Variants in PACSIN2 observed in about 807,000 individuals in gnomAD.
PACSIN2 encodes protein kinase C and casein kinase substrate in neurons 2.
Under a neutral mutation model 63.8 loss-of-function variants are expected in PACSIN2, and 25 were observed. The ratio of observed to expected loss-of-function variants is 0.39; its 90% CI spans 0.29 to 0.55. The LOEUF is 0.55. PACSIN2 is among the 20% of genes least tolerant of loss of function. PACSIN2 has a pLI of 0.62. For synonymous variants in PACSIN2, 255 were observed against 256.2 expected, an observed-to-expected ratio of 1.00 and a Z score of 0.05; for missense variants, 518 against 646.9, an observed-to-expected ratio of 0.80 and a Z score of 2.16.
At chr22:42,977,996 A>C (rs367657177) in intron 1 of PACSIN2, among the ~76,000 whole-genome samples, 7 of 152,350 alleles carry the variant, frequency 4.6e-5, no homozygotes, top group Middle Eastern at 6.8e-3. Context: ...TGCTAGTACA[A>C]GTCTGAAAAA....
chr22:42,952,635 A>G (rs1189522023), intron 1 of PACSIN2, among the ~76,000 whole-genome samples: 1 of 147,532 alleles, frequency 6.8e-6, no homozygotes, highest in African/African-American at 2.5e-5. Flanking sequence ...GGGATTATAG[A>G]CGTTGAGCCA....
intron 1 of PACSIN2, among the ~76,000 whole-genome samples, chr22:42,971,600 G>C (rs530189109): frequency 3.3e-5 from 5 of 151,920 alleles, no homozygotes; most frequent in Admixed American, 3.3e-4. Context: ...GGGAAGTGAG[G>C]AGTGTCTCTG....
chr22:42,911,966 G>C (rs1307771097), intron 2 of PACSIN2, 55 bp downstream of exon 2: 10 of 1,352,350 alleles, frequency 7.4e-6, no homozygotes, highest in Non-Finnish European at 1.0e-5. Flanking sequence ...CAAAGGGCCT[G>C]CCAGACACTA....
In PACSIN2 at chr22:42,870,112, G is replaced by A. The variant is rs950204782; in HGVS notation, c.*1245C>T. ...GCTCCCGGGCGACTCCGGGCAGCCC[G>A]AGACACTCGTGCTGCGGGTAAGACC... is the stretch of plus-strand genomic sequence containing the variant. On this transcript the variant is annotated 3_prime_UTR_variant, in exon 11 of 11. Coordinates refer to ENST00000263246, the MANE Select transcript of PACSIN2 (RefSeq NM_001184970.3). The A allele has an allele frequency of 2.0e-5, 3 of 151,638 alleles. No homozygotes were observed. Among genetic ancestry groups the A allele is most frequent in the Non-Finnish European group, 2.9e-5 (2 of 67,952 alleles). 9.4% of individuals were successfully genotyped at this position (151,638 alleles called of 1,614,324 possible).
chr22:42,908,582 G>T (rs1931240672), intron 2 of PACSIN2, among the ~76,000 whole-genome samples: 1 of 152,242 alleles, frequency 6.6e-6, no homozygotes, highest in Admixed American at 6.5e-5. Flanking sequence ...GCCCTGCCGT[G>T]AAGCCTGTGG....
intron 8 of PACSIN2, among the ~76,000 whole-genome samples, chr22:42,878,324 G>T (rs1269158606): frequency 1.3e-5 from 2 of 152,150 alleles, no homozygotes; most frequent in Non-Finnish European, 2.9e-5. Context: ...GGGGAGCCTG[G>T]GTGGGGGCTT....
At chr22:42,965,946 CAT>C (rs61037058) in intron 1 of PACSIN2, among the ~76,000 whole-genome samples, 5,216 of 34,902 alleles carry the variant, frequency 0.15, 292 homozygotes, top group African/African-American at 0.36. Flanking sequence ...AATAAATAAT[CAT>C]AAATAAATTA....
intron 1 of PACSIN2, among the ~76,000 whole-genome samples, chr22:43,006,022 G>A (rs1924069418): frequency 6.6e-6 from 1 of 151,948 alleles, no homozygotes; most frequent in Admixed American, 6.6e-5. Flanking sequence ...TGAACTCCTG[G>A]CATCAAGTGA....
Position 42,888,799 on chromosome 22 carries a change from C to G in PACSIN2, c.454-1G>C. 1 of 1,614,076 alleles carries G rather than the reference C, an allele frequency of 6.2e-7. No homozygotes were observed. Among genetic ancestry groups the G allele is most frequent in the Non-Finnish European group, 8.5e-7 (1 of 1,179,996 alleles). On this transcript the variant is annotated splice_acceptor_variant, in intron 4 of 10. Coordinates refer to ENST00000263246, the MANE Select transcript of PACSIN2 (RefSeq NM_001184970.3). LOFTEE classifies it high-confidence loss of function. ...GGTGGGCTTTCTTTGCTGCTTCTAC[C>G]TACAGGGAGAATGAGTTCCTGAATG...
intron 1 of PACSIN2, among the ~76,000 whole-genome samples, chr22:42,917,712 T>A (rs1359279240): frequency 1.3e-5 from 2 of 152,342 alleles, no homozygotes; most frequent in East Asian, 3.9e-4. Flanking sequence ...GCACAGTCTG[T>A]CGATCTTGGC....
Position 42,970,020 on chromosome 22 carries a change from C to T in PACSIN2, c.-78+45001G>A, listed in dbSNP as rs142680741. Among the ~76,000 whole-genome samples the T allele has an allele frequency of 3.9e-4, 59 of 152,262 alleles. No homozygotes were observed. The East Asian group carries it at 0.011, about 29-fold the overall frequency. On this transcript the variant is annotated intron_variant, in intron 1 of 10. Transcript: ENST00000263246. ...CCTGTGATGTGAAAACTGTAGAATG[C>T]TCACAAAATCACAGAACCCAAATGC...
chr22:42,941,869 T>A (rs997070244), intron 1 of PACSIN2, among the ~76,000 whole-genome samples: 2 of 152,136 alleles, frequency 1.3e-5, no homozygotes, highest in South Asian at 2.1e-4. Flanking sequence ...CTCTGACTCC[T>A]GGGTTCAAGC....
intron 1 of PACSIN2, among the ~76,000 whole-genome samples, chr22:43,002,964 G>A (rs565159661): frequency 5.9e-5 from 9 of 152,340 alleles, no homozygotes; most frequent in African/African-American, 2.2e-4. Context: ...AGCGAGGTCA[G>A]TTCAAGCTCC....
At chr22:42,989,865 A>T (rs1246185254) in intron 1 of PACSIN2, among the ~76,000 whole-genome samples, 2 of 109,458 alleles carry the variant, frequency 1.8e-5, no homozygotes, top group African/African-American at 6.7e-5. Flanking sequence ...GGGGGAAAAA[A>T]AAATATATAT....
At chr22:42,995,774 G>C (rs1362300651) in intron 1 of PACSIN2, among the ~76,000 whole-genome samples, 1 of 152,136 alleles carries the variant, frequency 6.6e-6, no homozygotes, top group Non-Finnish European at 1.5e-5. Flanking sequence ...ATTGTTAAAA[G>C]AAACAGTGGC....
At chr22:42,962,147 T>C (rs995765981) in intron 1 of PACSIN2, among the ~76,000 whole-genome samples, 2 of 151,046 alleles carry the variant, frequency 1.3e-5, no homozygotes, top group African/African-American at 4.9e-5. Context: ...AAAAATTGTC[T>C]ACCTGTTCCC....
chr22:42,984,304 C>G (rs550165919), intron 1 of PACSIN2, among the ~76,000 whole-genome samples: 1 of 149,458 alleles, frequency 6.7e-6, no homozygotes. Context: ...AAAATTCTTC[C>G]TGCCCTCAAT....
chr22:42,961,738 A>G (rs1480074666), intron 1 of PACSIN2, among the ~76,000 whole-genome samples: 2 of 152,150 alleles, frequency 1.3e-5, no homozygotes, highest in Non-Finnish European at 2.9e-5. Flanking sequence ...ACGTCACTGC[A>G]CTCTAGCCTG....
At chr22:42,915,445 T>C (rs1050224877) in intron 1 of PACSIN2, among the ~76,000 whole-genome samples, 7 of 152,158 alleles carry the variant, frequency 4.6e-5, no homozygotes, top group African/African-American at 1.7e-4. Context: ...GATCTCATCA[T>C]AGCACTGCAC....
Sources: gnomAD v4.1 joint callset for allele counts (sites outside exome capture counted in the v4.1 genomes callset) on GRCh38, gnomAD v4.1.1 for gene constraint, MANE v1.5 for transcripts, NCBI Gene and HGNC (gene_info 2026-07-23, HGNC 2026-07-21) for gene names.